Variants in FRMD7 observed in about 807,000 individuals in gnomAD.
FRMD7 encodes FERM domain containing 7.
FRMD7 carries 14 observed loss-of-function variants against 44.1 expected under a neutral mutation model. That is an observed-to-expected ratio of 0.32 (90% confidence interval 0.21 to 0.50). FRMD7 has a LOEUF of 0.50. FRMD7 is among the 20% of genes least tolerant of loss of function. FRMD7 has a pLI of 0.99. For synonymous variants in FRMD7, 212 were observed against 187.4 expected (o/e 1.13, Z -1.07); for missense variants, 501 against 522.3 (o/e 0.96, Z 0.40).
rs1927670816 is a variant in FRMD7, at chrX:132,078,117, C to T, written c.1900G>A (p.Ala634Thr). 3 of 1,210,795 alleles carry T rather than the reference C, an allele frequency of 2.5e-6. No homozygotes were observed. The East Asian group carries it at 8.9e-5, about 36-fold the overall frequency. ...GCTGTACTTTGATCCATTAGAACTG[C>T]TGGCAACTCCTGCTCTGCAAACATA... is the stretch of plus-strand genomic sequence containing the variant. ...TDMFAEQELPAVLMDQSTAER... is the reference protein window; with the variant it reads ...TDMFAEQELPTVLMDQSTAER... The change falls in exon 12 of 12, where the codon GCA becomes ACA. Residue 634 changes from alanine (A) to threonine (T), a missense_variant. By Grantham distance (58) the Ala-to-Thr change is moderately conservative. Transcript: ENST00000298542.
intron 1 of FRMD7, among the ~76,000 whole-genome samples, chrX:132,125,741 T>C (rs751916729): frequency 3.6e-5 from 4 of 111,899 alleles, no homozygotes; most frequent in Non-Finnish European, 7.5e-5. Context: ...TGCCAAGTTC[T>C]ATGCCTTGTG....
intron 1 of FRMD7, among the ~76,000 whole-genome samples, chrX:132,127,038 A>C (rs1279501778): frequency 8.9e-6 from 1 of 112,655 alleles, no homozygotes; most frequent in Non-Finnish European, 1.9e-5. Context: ...TTAGTGGCTA[A>C]TGTAAATATC....
chrX:132,104,309 T>TG (rs1158149545), intron 1 of FRMD7, among the ~76,000 whole-genome samples: 1 of 112,117 alleles, frequency 8.9e-6, no homozygotes, highest in East Asian at 2.8e-4. Context: ...TCTGAATTTT[T>TG]TTTTTAATAA....
At chrX:132,102,741 T>A (rs187013924) in intron 1 of FRMD7, among the ~76,000 whole-genome samples, 34 of 112,124 alleles carry the variant, frequency 3.0e-4, no homozygotes, top group African/African-American at 9.1e-4. Flanking sequence ...ACACTCCAGT[T>A]TTTTTTTGCA....
intron 5 of FRMD7, among the ~76,000 whole-genome samples, chrX:132,086,887 TG>T (rs1157382793): frequency 8.9e-6 from 1 of 112,122 alleles, no homozygotes; most frequent in African/African-American, 3.2e-5. Flanking sequence ...CTCTGTACAT[TG>T]GGAGTCTAGT....
chrX:132,125,227 A>G (rs774145973), intron 1 of FRMD7, among the ~76,000 whole-genome samples: 6 of 111,745 alleles, frequency 5.4e-5, no homozygotes, highest in Non-Finnish European at 1.1e-4. Context: ...CAGGAAGATA[A>G]TAGTACTGGG....
intron 1 of FRMD7, among the ~76,000 whole-genome samples, chrX:132,106,002 T>G (rs1234683953): frequency 1.8e-5 from 2 of 111,722 alleles, no homozygotes; most frequent in South Asian, 7.4e-4. Context: ...AAGCAAAAAT[T>G]GACAAGTGAG....
At chrX:132,119,668 A>G (rs1430465729) in intron 1 of FRMD7, among the ~76,000 whole-genome samples, 2 of 111,575 alleles carry the variant, frequency 1.8e-5, no homozygotes, top group African/African-American at 3.3e-5. Flanking sequence ...TGTGGGGGTA[A>G]TAATTGTAGC....
intron 4 of FRMD7, among the ~76,000 whole-genome samples, chrX:132,095,833 GA>G (rs1928315386): frequency 8.9e-6 from 1 of 112,497 alleles, no homozygotes. Context: ...AGTTGTCAAT[GA>G]GAATAATCAG....
At chrX:132,083,088 C>T (rs1927870937) in intron 8 of FRMD7, among the ~76,000 whole-genome samples, 1 of 111,644 alleles carries the variant, frequency 9.0e-6, no homozygotes, top group African/African-American at 3.3e-5. Context: ...ATAGCTAGAA[C>T]TACAGGCATG....
Position 132,094,117 on chromosome X carries a change from T to C in FRMD7, c.307A>G (p.Lys103Glu). The change falls in exon 5 of 12, where the codon AAG (lysine) becomes GAG (glutamate). Residue 103 changes from lysine (K) to glutamate (E), a missense_variant. Around this residue, in one of 3 missense-constraint regions of FRMD7, gnomAD observed 453 missense variants for 452.7 expected, o/e 1.00. Coordinates refer to ENST00000298542, the MANE Select transcript of FRMD7 (RefSeq NM_194277.3). ...AGCCTTCCTAGAGCCAAATCCTTCTTTATTTGAAGAGTAAAAAGATACCTG... is the reference window on the plus strand; with the variant it reads ...AGCCTTCCTAGAGCCAAATCCTTCTCTATTTGAAGAGTAAAAAGATACCTG... ...LTRYLFTLQIKKDLALGRLPC... is the reference protein window; with the variant it reads ...LTRYLFTLQIEKDLALGRLPC... 1 of 1,152,593 alleles carries C rather than the reference T, an allele frequency of 8.7e-7. No individual in the cohort carries two copies. Among genetic ancestry groups the C allele is most frequent in the Non-Finnish European group, 1.2e-6 (1 of 841,502 alleles). 95.0% of individuals were successfully genotyped at this position (1,152,593 alleles called of 1,213,427 possible).
intron 1 of FRMD7, among the ~76,000 whole-genome samples, chrX:132,127,270 C>T (rs1027952080): frequency 5.4e-5 from 6 of 112,083 alleles, no homozygotes; most frequent in African/African-American, 1.9e-4. Flanking sequence ...AGTACTAAAT[C>T]AAACTAAATA....
At chrX:132,083,250 T>C (rs1244456595) in intron 8 of FRMD7, among the ~76,000 whole-genome samples, 2 of 112,113 alleles carry the variant, frequency 1.8e-5, no homozygotes, top group Non-Finnish European at 3.8e-5. Flanking sequence ...GCCACTACAC[T>C]CAGTCCATGA....
At position 132,080,043 on chromosome X, in the gene FRMD7, C is replaced by T; in HGVS notation, c.1013G>A (p.Arg338Lys). 1 of 1,204,056 alleles carries T rather than the reference C, an allele frequency of 8.3e-7. No homozygotes were observed. The highest frequency in any genetic ancestry group is 1.1e-6 in the Non-Finnish European group (1 of 888,603). Residue 338 changes from arginine (R) to lysine (K), a missense_variant, in exon 11 of 12, where the codon AGG (arginine) becomes AAG (lysine). Arg to Lys is a conservative substitution (Grantham distance 26). This residue lies in a region of FRMD7 where 453 missense variants were observed against 452.7 expected (regional missense o/e 1.00). Transcript: ENST00000298542. ...YPSQYHERQCRSSPDLLSDVS... is the reference protein window; with the variant it reads ...YPSQYHERQCKSSPDLLSDVS... ...ATCAGAGAGGAGGTCTGGTGAGGAC[C>T]TGCACTGTCGTTCATGGTACTGAGA...
chrX:132,082,594 C>A, intron 8 of FRMD7, 68 bp from the exon 9 acceptor site: 1 of 987,027 alleles, frequency 1.0e-6, no homozygotes, highest in Non-Finnish European at 1.4e-6. Context: ...AATCCCAATG[C>A]CTTCCAAACT....
intron 5 of FRMD7, among the ~76,000 whole-genome samples, chrX:132,088,275 C>A (rs768047373): frequency 6.2e-5 from 7 of 112,343 alleles, no homozygotes; most frequent in Non-Finnish European, 1.3e-4. Flanking sequence ...CAAGGTTGAG[C>A]GTGGTGGCTC....
chrX:132,104,474 C>T (rs191479833), intron 1 of FRMD7, among the ~76,000 whole-genome samples: 3 of 111,211 alleles, frequency 2.7e-5, no homozygotes, highest in East Asian at 2.8e-4. Flanking sequence ...GGTGGGATCA[C>T]GAGGTCAGGA....
In FRMD7 at chrX:132,086,514, C is replaced by G. The variant is rs143453964; in HGVS notation, c.383-480G>C. 3.3e-3 allele frequency among the ~76,000 whole-genome samples: 360 copies of G among 110,546 alleles called. 3 individuals are homozygous for G. Among genetic ancestry groups the G allele is most frequent in the Non-Finnish European group, 5.5e-3 (291 of 52,860 alleles). On this transcript the variant is annotated intron_variant, in intron 5 of 11. Coordinates refer to ENST00000298542, the MANE Select transcript of FRMD7 (RefSeq NM_194277.3). ...GGTGAAATGACTCCATCAAGGCAAG[C>G]CTTAAACCAATCTGACTGGTATCCT...
At chrX:132,089,201 G>A (rs1188822777) in intron 5 of FRMD7, among the ~76,000 whole-genome samples, 6 of 111,963 alleles carry the variant, frequency 5.4e-5, no homozygotes. Context: ...TACATTTATG[G>A]TCAATTGGTT....
Sources: allele counts gnomAD v4.1 joint callset (sites outside exome capture counted in the v4.1 genomes callset), GRCh38; gene constraint gnomAD v4.1.1; regional missense constraint gnomAD v4.1.1; transcripts MANE v1.5; gene names NCBI Gene and HGNC (gene_info 2026-07-23, HGNC 2026-07-21).